The following SEMA3A variants were observed in gnomAD, a reference collection of about 807,000 sequenced individuals.
SEMA3A encodes the protein semaphorin 3A.
Under a neutral mutation model 97.9 loss-of-function variants are expected in SEMA3A, and 29 were observed. The observed-to-expected ratio is 0.30, with a 90% CI of 0.22 to 0.40. The LOEUF is 0.40. SEMA3A is among the 10% of genes least tolerant of loss of function. SEMA3A has a pLI of 1.00. For synonymous variants in SEMA3A, 321 were observed against 323.7 expected (o/e 0.99, Z 0.09); for missense variants, 763 against 951.3 (o/e 0.80, Z 2.60).
At chr7:84,465,036 G>T (rs929173677) in intron 1 of SEMA3A, among the ~76,000 whole-genome samples, 1 of 151,982 alleles carries the variant, frequency 6.6e-6, no homozygotes, top group African/African-American at 2.4e-5. Context: ...GGCCCCAAAA[G>T]ATAAAAAGAC....
intron 3 of SEMA3A, among the ~76,000 whole-genome samples, chr7:84,225,192 A>T (rs1028467199): frequency 2.6e-5 from 4 of 152,154 alleles, no homozygotes; most frequent in Admixed American, 6.6e-5. Flanking sequence ...TTAGAAAAGT[A>T]TTGCACATAG....
At chr7:84,170,228 G>A (rs761773739) in intron 1 of SEMA3A, among the ~76,000 whole-genome samples, 7 of 151,796 alleles carry the variant, frequency 4.6e-5, no homozygotes, top group Non-Finnish European at 8.8e-5. Context: ...TTTTAAACAC[G>A]CGTTGCTTTA....
chr7:84,079,951 C>G (rs1314158388), intron 4 of SEMA3A, among the ~76,000 whole-genome samples: 2 of 146,518 alleles, frequency 1.4e-5, no homozygotes, highest in Non-Finnish European at 3.0e-5. Context: ...TTGGAACCAA[C>G]CCAAATGTCC....
chr7:83,985,423 A>G lies in SEMA3A; in HGVS notation c.1494+13T>C, dbSNP rs1322579665. On this transcript the variant is annotated intron_variant, in intron 13 of 16. Transcript: ENST00000265362. ...AATATTGGATATTCAATGGTAATAC[A>G]TAATGATAGTACCTGCTTAGTGGAA... 6 of 1,589,942 alleles carry G rather than the reference A, an allele frequency of 3.8e-6. No individual in the cohort carries two copies. Among genetic ancestry groups the G allele is most frequent in the South Asian group, 1.1e-5 (1 of 89,860 alleles).
At chr7:84,451,744 GT>G (rs1156501849) in intron 1 of SEMA3A, among the ~76,000 whole-genome samples, 1 of 152,088 alleles carries the variant, frequency 6.6e-6, no homozygotes, top group Non-Finnish European at 1.5e-5. Context: ...CAGTGACTCA[GT>G]TTTATGTTGA....
At chr7:84,482,825 AT>A (rs1806480236) in intron 1 of SEMA3A, among the ~76,000 whole-genome samples, 1 of 143,588 alleles carries the variant, frequency 7.0e-6, no homozygotes, top group Non-Finnish European at 1.5e-5. Flanking sequence ...GTGAAACCTT[AT>A]TTATTTCAAA....
At chr7:84,413,108 T>G (rs574728929) in intron 1 of SEMA3A, among the ~76,000 whole-genome samples, 2 of 152,164 alleles carry the variant, frequency 1.3e-5, no homozygotes, top group African/African-American at 4.8e-5. Flanking sequence ...GAATGATTAC[T>G]ATTATACATT....
chr7:84,253,187 C>T (rs1799647295), intron 3 of SEMA3A, among the ~76,000 whole-genome samples: 2 of 152,112 alleles, frequency 1.3e-5, no homozygotes, highest in African/African-American at 4.8e-5. Context: ...CCTGAAGTTA[C>T]TTAGAATCAT....
chr7:84,351,684 T>A (rs1438098872), intron 2 of SEMA3A, among the ~76,000 whole-genome samples: 1 of 152,048 alleles, frequency 6.6e-6, no homozygotes, highest in Non-Finnish European at 1.5e-5. Context: ...CATCTCACTC[T>A]AGTTAAAATG....
intron 3 of SEMA3A, among the ~76,000 whole-genome samples, chr7:84,128,469 A>G (rs1040228048): frequency 2.6e-4 from 40 of 152,206 alleles, no homozygotes; most frequent in Non-Finnish European, 1.0e-4. Flanking sequence ...CTTATTGAAT[A>G]TAAGTATGTA....
At chr7:83,997,301 G>C (rs1376881769) in intron 12 of SEMA3A, among the ~76,000 whole-genome samples, 5 of 152,044 alleles carry the variant, frequency 3.3e-5, no homozygotes, top group Non-Finnish European at 7.4e-5. Context: ...ATTTTAAATG[G>C]ATTGACTTAC....
At chr7:84,293,833 A>G (rs1194665277) in intron 3 of SEMA3A, among the ~76,000 whole-genome samples, 2 of 152,068 alleles carry the variant, frequency 1.3e-5, no homozygotes, top group African/African-American at 2.4e-5. Flanking sequence ...CAGGTTTCCA[A>G]GGTTAACAAC....
At chr7:84,170,150 G>A (rs1797340273) in intron 1 of SEMA3A, among the ~76,000 whole-genome samples, 1 of 151,932 alleles carries the variant, frequency 6.6e-6, no homozygotes. Flanking sequence ...CCTGATGTAA[G>A]TTATGGAAGA....
chr7:84,283,569 CAA>C (rs962736013), intron 3 of SEMA3A, among the ~76,000 whole-genome samples: 1 of 141,032 alleles, frequency 7.1e-6, no homozygotes, highest in Non-Finnish European at 1.5e-5. Context: ...TTGCATGTGG[CAA>C]AAAAAAAAGA....
At chr7:83,985,907 C>A (rs577674650) in intron 12 of SEMA3A, among the ~76,000 whole-genome samples, 1 of 152,234 alleles carries the variant, frequency 6.6e-6, no homozygotes, top group Admixed American at 6.5e-5. Flanking sequence ...CTTCGTAAAT[C>A]ATTTGGGAGG....
chr7:84,246,745 C>T (rs1454731596), intron 3 of SEMA3A, among the ~76,000 whole-genome samples: 2 of 151,824 alleles, frequency 1.3e-5, no homozygotes, highest in Non-Finnish European at 2.9e-5. Flanking sequence ...TAGAAAATAG[C>T]TTGATATGTA....
At chr7:84,059,198 C>A (rs764108226) in intron 5 of SEMA3A, among the ~76,000 whole-genome samples, 1 of 152,158 alleles carries the variant, frequency 6.6e-6, no homozygotes, top group Non-Finnish European at 1.5e-5. Context: ...ACTAGACCAA[C>A]CATAAATAGG....
chr7:84,160,504 G>A lies in SEMA3A; in HGVS notation c.113-25553C>T, dbSNP rs192610146. Among the ~76,000 whole-genome samples, 160 of 151,266 alleles carry A rather than the reference G, an allele frequency of 1.1e-3. 1 individual carries two copies. The East Asian group carries it at 0.013, about 12-fold the overall frequency. The stretch of plus-strand genomic sequence containing the variant: ...GCGGAGGTTGCAGTGAGCCGAGATC[G>A]CACCACTGCACTCCAGCCTGGGTGA... On this transcript the variant is annotated intron_variant, in intron 1 of 16. Transcript: ENST00000265362.
intron 1 of SEMA3A, among the ~76,000 whole-genome samples, chr7:84,483,004 T>C (rs1320427222): frequency 6.6e-6 from 1 of 152,110 alleles, no homozygotes; most frequent in Non-Finnish European, 1.5e-5. Context: ...TTTTAAAGTT[T>C]ACAGAAAGGG....
Sources: allele counts gnomAD v4.1 joint callset (sites outside exome capture counted in the v4.1 genomes callset), GRCh38; gene constraint gnomAD v4.1.1; transcripts MANE v1.5; gene names NCBI Gene and HGNC (gene_info 2026-07-23, HGNC 2026-07-21).